SOX5: variants seen among roughly 807,000 people sequenced by gnomAD.
The protein encoded by SOX5 is SRY-box transcription factor 5.
In SOX5, 9 loss-of-function variants were observed where a neutral mutation model predicts 92.0. The ratio of observed to expected loss-of-function variants is 0.10; its 90% CI spans 0.06 to 0.17. The LOEUF (loss-of-function observed/expected upper bound fraction) is 0.17. Among genes scored for constraint, SOX5 ranks in the 10% least tolerant of loss-of-function variants. The probability of loss-of-function intolerance (pLI) is 1.00; values close to 1 mark genes in which losing one functional copy is unlikely to be tolerated. For synonymous variants in SOX5, 344 were observed against 336.3 expected, an observed-to-expected ratio of 1.02 and a Z score of -0.25; for missense variants, 642 against 944.5, an observed-to-expected ratio of 0.68 and a Z score of 4.20.
chr12:23,677,900 T>C (rs1447254649), intron 6 of SOX5, among the ~76,000 whole-genome samples: 1 of 152,164 alleles, frequency 6.6e-6, no homozygotes, highest in Non-Finnish European at 1.5e-5. Context: ...TCAACTATAT[T>C]AGGGCCAAGT....
At chr12:23,678,109 CATGGTAG>C (rs2086002808) in intron 6 of SOX5, among the ~76,000 whole-genome samples, 1 of 152,062 alleles carries the variant, frequency 6.6e-6, no homozygotes, top group Non-Finnish European at 1.5e-5. Flanking sequence ...CCAAAAAGGC[CATGGTAG>C]ATGTTTCTTG....
intron 4 of SOX5, among the ~76,000 whole-genome samples, chr12:24,123,331 C>G (rs1948804898): frequency 6.6e-6 from 1 of 152,204 alleles, no homozygotes; most frequent in African/African-American, 2.4e-5. Flanking sequence ...CATTATATCT[C>G]AGAGATAGAG....
At chr12:24,356,800 A>T (rs572217708) in intron 2 of SOX5, among the ~76,000 whole-genome samples, 1 of 152,266 alleles carries the variant, frequency 6.6e-6, no homozygotes, top group East Asian at 1.9e-4. Context: ...AAACCTCTGA[A>T]TGTAATTTTA....
intron 11 of SOX5, among the ~76,000 whole-genome samples, chr12:23,556,422 A>G (rs1945189148): frequency 6.6e-6 from 1 of 152,180 alleles, no homozygotes; most frequent in South Asian, 2.1e-4. Flanking sequence ...ATATACGCTC[A>G]CTTTAAAACG....
intron 6 of SOX5, among the ~76,000 whole-genome samples, chr12:23,714,152 T>C (rs1016792151): frequency 2.0e-5 from 3 of 152,074 alleles, no homozygotes; most frequent in Non-Finnish European, 4.4e-5. Context: ...TTGCTCTTTC[T>C]TAACTGTTTG....
intron 3 of SOX5, among the ~76,000 whole-genome samples, chr12:24,242,550 C>A (rs146903874): frequency 1.7e-3 from 252 of 152,272 alleles, no homozygotes; most frequent in African/African-American, 5.8e-3. Context: ...TTTATTCCCA[C>A]TGAGTTTATT....
chr12:23,939,620 C>A (rs952946374), intron 1 of SOX5, among the ~76,000 whole-genome samples: 1 of 150,586 alleles, frequency 6.6e-6, no homozygotes, highest in African/African-American at 2.4e-5. Flanking sequence ...AGAGATAATG[C>A]GGAAGGACCT....
chr12:23,741,088 A>C, intron 4 of SOX5, 49 bp from the exon 5 acceptor site: 1 of 1,423,170 alleles, frequency 7.0e-7, no homozygotes, highest in Non-Finnish European at 9.5e-7. Context: ...AAAAAAAGTA[A>C]TTATTTCAAT....
intron 4 of SOX5, among the ~76,000 whole-genome samples, chr12:23,743,788 T>C (rs1295042304): frequency 6.6e-6 from 1 of 152,206 alleles, no homozygotes; most frequent in Non-Finnish European, 1.5e-5. Context: ...CCGTGAATAC[T>C]GTATTTTGGA....
chr12:23,571,385 C>T (rs944036945), intron 10 of SOX5, among the ~76,000 whole-genome samples: 2 of 151,938 alleles, frequency 1.3e-5, no homozygotes, highest in Admixed American at 1.3e-4. Flanking sequence ...GGAATGAAGG[C>T]TAAGAACAGT....
intron 1 of SOX5, among the ~76,000 whole-genome samples, chr12:24,457,883 G>C (rs1465766859): frequency 6.6e-6 from 1 of 152,152 alleles, no homozygotes; most frequent in Non-Finnish European, 1.5e-5. Context: ...GATAAGGGAA[G>C]ATGAGATAAA....
intron 4 of SOX5, among the ~76,000 whole-genome samples, chr12:23,981,234 T>C (rs1412181747): frequency 6.6e-6 from 1 of 152,166 alleles, no homozygotes; most frequent in East Asian, 1.9e-4. Flanking sequence ...TGGAAGTTCG[T>C]AGCCTTCATT....
chr12:23,584,751 G>A, intron 9 of SOX5: 16 of 567,980 alleles, frequency 2.8e-5, no homozygotes, highest in Admixed American at 9.1e-5. Flanking sequence ...GTGTGTGTAT[G>A]TGTGTGTGTT....
chr12:23,844,648 G>A (rs1371375875), intron 3 of SOX5, among the ~76,000 whole-genome samples: 1 of 152,056 alleles, frequency 6.6e-6, no homozygotes, highest in East Asian at 1.9e-4. Flanking sequence ...TATTTCACAA[G>A]TATTCTAAAC....
intron 1 of SOX5, among the ~76,000 whole-genome samples, chr12:24,528,033 A>T (rs529060133): frequency 4.6e-5 from 7 of 152,320 alleles, no homozygotes; most frequent in African/African-American, 1.7e-4. Context: ...TTCATCACAC[A>T]CTTCCATAAA....
chr12:23,576,297 G>C (rs578059494), intron 9 of SOX5, among the ~76,000 whole-genome samples: 44 of 152,158 alleles, frequency 2.9e-4, no homozygotes, highest in Admixed American at 9.8e-4. Context: ...ACAGATAGTT[G>C]TGTGCCTCTG....
intron 4 of SOX5, among the ~76,000 whole-genome samples, chr12:24,017,040 AACTG>A (rs1953712462): frequency 6.6e-6 from 1 of 152,236 alleles, no homozygotes; most frequent in Non-Finnish European, 1.5e-5. Flanking sequence ...TAAAACTATT[AACTG>A]ACTGTATACA....
intron 4 of SOX5, among the ~76,000 whole-genome samples, chr12:23,985,319 G>T (rs1280095102): frequency 1.3e-5 from 2 of 151,830 alleles, no homozygotes; most frequent in Admixed American, 6.6e-5. Flanking sequence ...TGCAATCAAG[G>T]TTCACTGTAG....
At chr12:24,311,074 C>G (rs181127584) in intron 2 of SOX5, among the ~76,000 whole-genome samples, 24 of 152,316 alleles carry the variant, frequency 1.6e-4, no homozygotes, top group Non-Finnish European at 8.8e-5. Flanking sequence ...AAATTCCAAC[C>G]TATCTCACCT....
Sources: allele counts gnomAD v4.1 joint callset (sites outside exome capture counted in the v4.1 genomes callset), GRCh38; gene constraint gnomAD v4.1.1; transcripts MANE v1.5; gene names NCBI Gene and HGNC (gene_info 2026-07-23, HGNC 2026-07-21).